CAMTA1: variants seen among roughly 807,000 people sequenced by gnomAD.
The protein encoded by CAMTA1 is calmodulin binding transcription activator 1, also known as calmodulin-binding transcription activator 1.
CAMTA1 carries 27 observed loss-of-function variants against 170.9 expected under a neutral mutation model. That is an observed-to-expected ratio of 0.16 (90% confidence interval 0.12 to 0.22). CAMTA1 has a LOEUF of 0.22. CAMTA1 is among the 10% of genes least tolerant of loss of function. The pLI is 1.00. For missense variants in CAMTA1, 1,619 were observed against 2,217.2 expected (o/e 0.73, Z 5.42); for synonymous variants, 833 against 891.5 (o/e 0.93, Z 1.17).
chr1:7,086,749 T>C (rs9434834), intron 3 of CAMTA1, among the ~76,000 whole-genome samples: 21,731 of 152,244 alleles, frequency 0.14, 1,687 homozygotes, highest in East Asian at 0.29. Flanking sequence ...TAGAACCTCA[T>C]TCCTTTCTAT....
intron 5 of CAMTA1, among the ~76,000 whole-genome samples, chr1:7,256,291 G>A (rs1667351849): frequency 6.6e-6 from 1 of 152,194 alleles, no homozygotes; most frequent in Admixed American, 6.5e-5. Flanking sequence ...CGGGCACGGT[G>A]GCTCATGCCT....
intron 4 of CAMTA1, among the ~76,000 whole-genome samples, chr1:7,102,109 CTG>C (rs1642815470): frequency 6.6e-6 from 1 of 151,878 alleles, no homozygotes; most frequent in East Asian, 1.9e-4. Flanking sequence ...TAAGAAGTCT[CTG>C]GGAAAATTTT....
intron 3 of CAMTA1, among the ~76,000 whole-genome samples, chr1:6,984,719 G>A (rs755456889): frequency 1.3e-5 from 2 of 152,248 alleles, no homozygotes; most frequent in African/African-American, 2.4e-5. Flanking sequence ...CTCTCTGCAC[G>A]TTTTCCCTCT....
At position 7,251,975 on chromosome 1, in the gene CAMTA1, C is replaced by A. The variant is rs1666710405; in HGVS notation, c.438+2349C>A. ...GCTGTGTCTATGTTGATATTGAGGT[C>A]TCTTCATCCCTTTTCACAATCCTAT... On this transcript the variant is annotated intron_variant, in intron 5 of 22. Transcript: ENST00000303635. This position sits in a 1 kb window ranked among gnomAD's most constrained non-coding sequence, Gnocchi z 5.1. Among the ~76,000 whole-genome samples the A allele has an allele frequency of 6.6e-6, 1 of 152,156 alleles. No individual in the cohort carries two copies. Among genetic ancestry groups the A allele is most frequent in the South Asian group, 2.1e-4 (1 of 4,826 alleles).
chr1:7,710,569 C>T (rs2096562097), intron 11 of CAMTA1, among the ~76,000 whole-genome samples: 1 of 145,270 alleles, frequency 6.9e-6, no homozygotes, highest in Admixed American at 7.1e-5. Flanking sequence ...CCACTGCACT[C>T]CAGCCTGGGT....
At position 6,919,651 on chromosome 1, in the gene CAMTA1, C is replaced by T. The variant is rs147468318; in HGVS notation, c.234+94441C>T. On this transcript the variant is annotated intron_variant, in intron 3 of 22. Coordinates refer to ENST00000303635, the MANE Select transcript of CAMTA1 (RefSeq NM_015215.4). Reference sequence around the variant, plus strand: ...TTTCACACTGCTGATAAAGACATACCGAAGACTGGGCAATTTATGAAAGAA... The same window carrying T: ...TTTCACACTGCTGATAAAGACATACTGAAGACTGGGCAATTTATGAAAGAA... Among the ~76,000 whole-genome samples the T allele has an allele frequency of 1.2e-4, 19 of 152,176 alleles. No individual in the cohort carries two copies. In the East Asian group the frequency reaches 3.5e-3, roughly 28 times the overall value.
chr1:6,920,356 A>G (rs530130202), intron 3 of CAMTA1, among the ~76,000 whole-genome samples: 1 of 152,206 alleles, frequency 6.6e-6, no homozygotes, highest in Non-Finnish European at 1.5e-5. Flanking sequence ...GTGGGTTCCC[A>G]TGGTCTTGGG....
intron 7 of CAMTA1, among the ~76,000 whole-genome samples, chr1:7,653,771 T>C (rs1360480602): frequency 6.6e-6 from 1 of 152,154 alleles, no homozygotes; most frequent in East Asian, 1.9e-4. Context: ...TCTACCAGCC[T>C]TTATTAAGCA....
chr1:7,548,690 C>T (rs1245843132), intron 6 of CAMTA1, among the ~76,000 whole-genome samples: 11 of 116,564 alleles, frequency 9.4e-5, no homozygotes, highest in Non-Finnish European at 1.2e-4. Flanking sequence ...GGAAGGTGCC[C>T]CCTTAGGGGT....
At chr1:6,800,363 C>T (rs148062361) in intron 1 of CAMTA1, among the ~76,000 whole-genome samples, 155 of 152,126 alleles carry the variant, frequency 1.0e-3, no homozygotes, top group East Asian at 9.9e-3. Context: ...GCTACGATCA[C>T]GCCACTGCAC....
chr1:7,474,084 G>A (rs943003850), intron 6 of CAMTA1, among the ~76,000 whole-genome samples: 4 of 152,238 alleles, frequency 2.6e-5, no homozygotes, highest in African/African-American at 9.6e-5. Context: ...CTCTGTGTGG[G>A]GTGGGGTTTA....
chr1:7,085,089 C>A (rs982787945), intron 3 of CAMTA1, among the ~76,000 whole-genome samples: 1 of 152,142 alleles, frequency 6.6e-6, no homozygotes, highest in Admixed American at 6.6e-5. Context: ...ACCCATCAAC[C>A]CGTCATCTAG....
At position 7,150,588 on chromosome 1, in the gene CAMTA1, C is replaced by T. The variant is rs921809239; in HGVS notation, c.302+59217C>T. ...ACCCACTAGATGCCAATAGCACCCC[C>T]GACAACCAAGTGTGTCTCCAGGCTT... On this transcript the variant is annotated intron_variant, in intron 4 of 22. Transcript: ENST00000303635. Among the ~76,000 whole-genome samples the T allele has an allele frequency of 5.9e-5, 9 of 152,166 alleles. No individual in the cohort carries two copies. The South Asian group carries it at 6.3e-4, about 11-fold the overall frequency.
intron 7 of CAMTA1, among the ~76,000 whole-genome samples, chr1:7,655,431 TACAC>T (rs1381914757): frequency 7.7e-6 from 1 of 130,374 alleles, no homozygotes; most frequent in South Asian, 2.6e-4. Context: ...CCTATCCACA[TACAC>T]AACCTATACA....
intron 3 of CAMTA1, among the ~76,000 whole-genome samples, chr1:6,939,046 T>C (rs957697940): frequency 3.3e-5 from 5 of 152,200 alleles, no homozygotes; most frequent in African/African-American, 1.2e-4. Flanking sequence ...GGACCCAGCA[T>C]GAATGTGGCT....
chr1:7,041,728 G>A lies in CAMTA1; in HGVS notation c.235-49576G>A, dbSNP rs189271945. Among the ~76,000 whole-genome samples the A allele has an allele frequency of 5.6e-4, 86 of 152,312 alleles. No homozygotes were observed. The highest frequency in any genetic ancestry group is 3.9e-4 in the East Asian group (2 of 5,188). ...CTCGTAGATAAAGGAAAATTGAGACGATATTGATATTCTACATCCGTTTTG... is the reference window on the plus strand; with the variant it reads ...CTCGTAGATAAAGGAAAATTGAGACAATATTGATATTCTACATCCGTTTTG... On this transcript the variant is annotated intron_variant, in intron 3 of 22. Coordinates refer to ENST00000303635, the MANE Select transcript of CAMTA1 (RefSeq NM_015215.4). The surrounding 1 kb of genome is among the most constrained non-coding windows in gnomAD (Gnocchi z 5.1).
At position 7,559,694 on chromosome 1, in the gene CAMTA1, C is replaced by T. The variant is rs78797455; in HGVS notation, c.511-80706C>T. On this transcript the variant is annotated intron_variant, in intron 6 of 22. Coordinates refer to ENST00000303635, the MANE Select transcript of CAMTA1 (RefSeq NM_015215.4). The stretch of plus-strand genomic sequence containing the variant: ...GTCACAGGGTGGGCCGGAGGACACA[C>T]GGCTCCTTGGGGTCCAGAGCTGAGC... Among the ~76,000 whole-genome samples the T allele has an allele frequency of 2.9e-3, 448 of 152,196 alleles. 8 individuals carry two copies. The highest frequency in any genetic ancestry group is 9.8e-3 in the African/African-American group (407 of 41,532).
chr1:7,658,511 T>G (rs2095925472), intron 7 of CAMTA1, among the ~76,000 whole-genome samples: 1 of 152,158 alleles, frequency 6.6e-6, no homozygotes, highest in Non-Finnish European at 1.5e-5. Flanking sequence ...AACAGACCAC[T>G]GCCTGTGCAG....
intron 5 of CAMTA1, among the ~76,000 whole-genome samples, chr1:7,378,401 A>G (rs1199837711): frequency 6.6e-6 from 1 of 152,238 alleles, no homozygotes; most frequent in Non-Finnish European, 1.5e-5. Context: ...TGCTCTATCC[A>G]TACGATGGAA....
Sources: allele counts gnomAD v4.1 joint callset (sites outside exome capture counted in the v4.1 genomes callset), GRCh38; gene constraint gnomAD v4.1.1; non-coding constraint Gnocchi (gnomAD v3.1); transcripts MANE v1.5; gene names NCBI Gene and HGNC (gene_info 2026-07-23, HGNC 2026-07-21).